CCDC85C: variants seen among roughly 807,000 people sequenced by gnomAD.
CCDC85C encodes the protein coiled-coil domain containing 85C.
CCDC85C carries 18 observed loss-of-function variants against 38.3 expected under a neutral mutation model. That is an observed-to-expected ratio of 0.47 (90% confidence interval 0.33 to 0.70). The LOEUF is 0.70. CCDC85C is among the 30% of genes least tolerant of loss of function. The pLI, the probability that CCDC85C is intolerant of heterozygous loss-of-function variation, is 0.03. For synonymous variants in CCDC85C, 264 were observed against 293.8 expected, an observed-to-expected ratio of 0.90 and a Z score of 1.04; for missense variants, 566 against 621.2, an observed-to-expected ratio of 0.91 and a Z score of 0.94.
chr14:99,581,366 C>G (rs1160834084), intron 1 of CCDC85C, among the ~76,000 whole-genome samples: 2 of 152,234 alleles, frequency 1.3e-5, no homozygotes, highest in Non-Finnish European at 1.5e-5. Flanking sequence ...CTGCAAAGAA[C>G]ACAGCCCCTG....
At chr14:99,596,484 A>G (rs980662742) in intron 1 of CCDC85C, among the ~76,000 whole-genome samples, 1 of 152,196 alleles carries the variant, frequency 6.6e-6, no homozygotes, top group Non-Finnish European at 1.5e-5. Flanking sequence ...CAGTCAATAC[A>G]ATCCTGATCT....
Position 99,509,480 on chromosome 14 carries a change from C to A in CCDC85C, c.*5766G>T, listed in dbSNP as rs953502700. The A allele has an allele frequency of 6.8e-6, 1 of 147,068 alleles. No individual in the cohort carries two copies. Among genetic ancestry groups the A allele is most frequent in the Non-Finnish European group, 1.5e-5 (1 of 68,242 alleles). The allele number at this position is 147,068 out of a possible 1,614,324, so 9.1% of individuals were successfully genotyped here. On this transcript the variant is annotated 3_prime_UTR_variant, in exon 6 of 6. Coordinates refer to ENST00000380243, the MANE Select transcript of CCDC85C (RefSeq NM_001144995.2). ...GGGCGTGCTCAACACCTAGTGCTGC[C>A]TGTCCCTGCTGCACACGCAGCACGC... is the stretch of plus-strand genomic sequence containing the variant.
At chr14:99,596,800 G>A (rs2055147604) in intron 1 of CCDC85C, among the ~76,000 whole-genome samples, 1 of 152,176 alleles carries the variant, frequency 6.6e-6, no homozygotes, top group African/African-American at 2.4e-5. Flanking sequence ...ACCCCAGAGT[G>A]GTCCCTGCCT....
intron 2 of CCDC85C, among the ~76,000 whole-genome samples, chr14:99,526,790 G>A (rs1276611909): frequency 6.6e-6 from 1 of 152,228 alleles, no homozygotes; most frequent in Non-Finnish European, 1.5e-5. Flanking sequence ...AGGAAGTGCT[G>A]GAAGACAGTG....
intron 5 of CCDC85C, among the ~76,000 whole-genome samples, chr14:99,515,750 G>A (rs1897213730): frequency 6.6e-6 from 1 of 152,146 alleles, no homozygotes; most frequent in Non-Finnish European, 1.5e-5. Flanking sequence ...AGCTCTCCTG[G>A]GCAGCCCCAG....
intron 1 of CCDC85C, among the ~76,000 whole-genome samples, chr14:99,599,955 G>A (rs1322913413): frequency 3.3e-5 from 5 of 152,224 alleles, no homozygotes; most frequent in African/African-American, 9.6e-5. Flanking sequence ...AGGCCCACCA[G>A]GCCAGCCTCA....
chr14:99,520,511 GC>G lies in CCDC85C; in HGVS notation c.975+1621del, dbSNP rs2139899627. 2.3e-4 allele frequency among the ~76,000 whole-genome samples: 13 copies of G among 55,936 alleles called. No homozygotes were observed. Among genetic ancestry groups the G allele is most frequent in the African/African-American group, 6.2e-4 (12 of 19,470 alleles). 36.7% of individuals were successfully genotyped at this position (55,936 alleles called of 152,430 possible). A position where few individuals can be genotyped will look rare whatever the true frequency, so the allele number is the denominator to read the frequency against. On this transcript the variant is annotated intron_variant, in intron 3 of 5. Coordinates refer to ENST00000380243, the MANE Select transcript of CCDC85C (RefSeq NM_001144995.2). The surrounding 1 kb of genome is among the most constrained non-coding windows in gnomAD (Gnocchi z 4.1). Reference sequence around the variant, plus strand: ...CCGACCAGCCCCAATCACGGCCCCTGCACCTCAGTTCATCCCACTCCTGGGG... The same window carrying G: ...CCGACCAGCCCCAATCACGGCCCCTGACCTCAGTTCATCCCACTCCTGGGG...
intron 1 of CCDC85C, among the ~76,000 whole-genome samples, chr14:99,602,789 C>A (rs2055215598): frequency 1.3e-5 from 2 of 152,184 alleles, no homozygotes; most frequent in African/African-American, 4.8e-5. Context: ...GCTCAAGGGG[C>A]CTTGTATCCT....
In CCDC85C at chr14:99,603,938, C is replaced by T; in HGVS notation, c.22G>A (p.Ala8Thr). 7.1e-7 allele frequency: 1 copy of T among 1,409,672 alleles called. No individual in the cohort carries two copies. Among genetic ancestry groups the T allele is most frequent in the Non-Finnish European group, 9.2e-7 (1 of 1,087,344 alleles). 87.3% of individuals were successfully genotyped at this position (1,409,672 alleles called of 1,614,324 possible). A position where few individuals can be genotyped will look rare whatever the true frequency, so the allele number is the denominator to read the frequency against. Residue 8 changes from alanine to threonine, a missense_variant, in exon 1 of 6, where the codon GCG becomes ACG. Coordinates refer to ENST00000380243, the MANE Select transcript of CCDC85C (RefSeq NM_001144995.2). The surrounding 1 kb of genome is among the most constrained non-coding windows in gnomAD (Gnocchi z 7.5). ...CTCAGCTCCTCCGACGCCGCCGCCG[C>T]CGTCGCCGCGGGCTTAGCCATGGCG... Reference protein sequence around the residue: MAKPAATAAAASEELSQV... With the variant: MAKPAATTAAASEELSQV...
chr14:99,542,073 C>T (rs1014183303), intron 1 of CCDC85C, among the ~76,000 whole-genome samples: 1 of 152,194 alleles, frequency 6.6e-6, no homozygotes, highest in Non-Finnish European at 1.5e-5. Flanking sequence ...AGGCCTCCAT[C>T]GGGGCTCCTG....
rs117995645 is a variant in CCDC85C, at chr14:99,561,058, T to A, written c.794-24970A>T. Among the ~76,000 whole-genome samples, 1,076 of 152,268 alleles carry A rather than the reference T, an allele frequency of 7.1e-3. 14 individuals carry two copies. Among genetic ancestry groups the A allele is most frequent in the Middle Eastern group, 0.017 (5 of 294 alleles). On this transcript the variant is annotated intron_variant, in intron 1 of 5. Coordinates refer to ENST00000380243, the MANE Select transcript of CCDC85C (RefSeq NM_001144995.2). ...GCAGGGCTGCATTTGCAGAGAGGGC[T>A]CTGCTGCTCCCTTCGGCAGAATCCA...
At chr14:99,515,408 T>C (rs1897206510) in intron 5 of CCDC85C, 73 bp from the exon 6 acceptor site, 2 of 1,119,770 alleles carry the variant, frequency 1.8e-6, no homozygotes, top group South Asian at 2.8e-5. Context: ...ATCCGCCGCC[T>C]CATCACGGCA....
chr14:99,591,660 G>GC (rs1400448539), intron 1 of CCDC85C, among the ~76,000 whole-genome samples: 1 of 152,120 alleles, frequency 6.6e-6, no homozygotes, highest in Non-Finnish European at 1.5e-5. Context: ...AAGCGCTGCA[G>GC]CCGGTGGGGA....
chr14:99,525,781 T>C (rs986415354), intron 2 of CCDC85C, among the ~76,000 whole-genome samples: 4 of 152,188 alleles, frequency 2.6e-5, no homozygotes, highest in African/African-American at 9.6e-5. Context: ...CCCAGGCTGA[T>C]TCATACAGAA....
intron 1 of CCDC85C, among the ~76,000 whole-genome samples, chr14:99,584,482 G>A (rs777331451): frequency 2.6e-5 from 4 of 152,058 alleles, no homozygotes; most frequent in Admixed American, 1.3e-4. Context: ...ATCACCACAC[G>A]CTCCCCCTTG....
chr14:99,540,970 G>A (rs575721801), intron 1 of CCDC85C, among the ~76,000 whole-genome samples: 2 of 152,308 alleles, frequency 1.3e-5, no homozygotes, highest in Non-Finnish European at 2.9e-5. Flanking sequence ...CTGTGAGGCA[G>A]GGGCTGGGTG....
intron 2 of CCDC85C, among the ~76,000 whole-genome samples, chr14:99,526,942 GC>G (rs1223434954): frequency 6.8e-6 from 1 of 147,946 alleles, no homozygotes; most frequent in East Asian, 2.0e-4. Context: ...CCACTGTCCG[GC>G]CCCAAACTAA....
intron 1 of CCDC85C, among the ~76,000 whole-genome samples, chr14:99,573,312 A>G (rs1393076155): frequency 2.0e-5 from 3 of 152,158 alleles, no homozygotes; most frequent in African/African-American, 7.2e-5. Context: ...TGCCTGGTGC[A>G]TGGGTCGAGG....
chr14:99,530,433 C>T (rs1022705686), intron 2 of CCDC85C, among the ~76,000 whole-genome samples: 6 of 152,186 alleles, frequency 3.9e-5, no homozygotes, highest in South Asian at 2.1e-4. Context: ...GGCATGGAAA[C>T]GCTGACCAAC....
Sources: gnomAD v4.1 joint callset for allele counts (sites outside exome capture counted in the v4.1 genomes callset) on GRCh38, gnomAD v4.1.1 for gene constraint, Gnocchi (gnomAD v3.1) non-coding constraint, MANE v1.5 for transcripts, NCBI Gene and HGNC (gene_info 2026-07-23, HGNC 2026-07-21) for gene names.